SCHIP1: variants seen among roughly 807,000 people sequenced by gnomAD.
SCHIP1 encodes the protein schwannomin interacting protein 1, also known as schwannomin-interacting protein 1.
SCHIP1 carries 8 observed loss-of-function variants against 29.7 expected under a neutral mutation model. That is an observed-to-expected ratio of 0.27 (90% CI 0.16 to 0.49). The LOEUF (loss-of-function observed/expected upper bound fraction) is 0.49. SCHIP1 is among the 20% of genes least tolerant of loss of function. SCHIP1 has a pLI of 0.99. For synonymous variants in SCHIP1, 76 were observed against 94.9 expected (o/e 0.80, Z 1.16); for missense variants, 193 against 294.6 (o/e 0.66, Z 2.52).
At chr3:159,607,587 C>A in the SCHIP1 span, among the ~76,000 whole-genome samples, 2 of 152,210 alleles carry the variant, frequency 1.3e-5, no homozygotes, top group Admixed American at 1.3e-4. Context: ...AGAATGGCTG[C>A]AAAACCTAGC....
At chr3:159,443,934 A>C in the SCHIP1 span, among the ~76,000 whole-genome samples, 1 of 152,126 alleles carries the variant, frequency 6.6e-6, no homozygotes, top group African/African-American at 2.4e-5. Flanking sequence ...ACCAGTTTCC[A>C]TAGTGTAATT....
chr3:159,694,605 A>AAGG, the SCHIP1 span, among the ~76,000 whole-genome samples: 11 of 137,220 alleles, frequency 8.0e-5, no homozygotes, highest in African/African-American at 2.6e-4. Context: ...AGAAAGAAAG[A>AAGG]AAGGAATTAT....
chr3:159,501,866 T>C, the SCHIP1 span, among the ~76,000 whole-genome samples: 1 of 152,202 alleles, frequency 6.6e-6, no homozygotes, highest in Non-Finnish European at 1.5e-5. Context: ...TGCATTTGGA[T>C]ACATGAGTTC....
the SCHIP1 span, among the ~76,000 whole-genome samples, chr3:159,482,321 A>G: frequency 6.6e-6 from 1 of 152,128 alleles, no homozygotes; most frequent in Non-Finnish European, 1.5e-5. Context: ...CCCTTCAAGA[A>G]GGACGTATGA....
the SCHIP1 span, among the ~76,000 whole-genome samples, chr3:159,302,462 C>A: frequency 6.6e-6 from 1 of 151,960 alleles, no homozygotes; most frequent in Non-Finnish European, 1.5e-5. Context: ...ATAATTAAAC[C>A]ATTACAGAAA....
At chr3:159,598,496 A>G in the SCHIP1 span, among the ~76,000 whole-genome samples, 1 of 152,170 alleles carries the variant, frequency 6.6e-6, no homozygotes, top group Non-Finnish European at 1.5e-5. Context: ...ACAGTCATTA[A>G]ATCTTAAAGC....
At chr3:159,430,724 G>T in the SCHIP1 span, among the ~76,000 whole-genome samples, 5 of 152,224 alleles carry the variant, frequency 3.3e-5, no homozygotes, top group East Asian at 9.7e-4. Flanking sequence ...TGCCCTCAGG[G>T]ACTCTACAGA....
chr3:159,874,783 C>T (rs987918314), intron 2 of SCHIP1, among the ~76,000 whole-genome samples: 121 of 152,216 alleles, frequency 7.9e-4, no homozygotes, highest in Non-Finnish European at 7.1e-4. Context: ...TGTCTAGTTC[C>T]AACTCAGTGA....
At chr3:159,446,000 C>G in the SCHIP1 span, among the ~76,000 whole-genome samples, 6 of 150,400 alleles carry the variant, frequency 4.0e-5, no homozygotes, top group Non-Finnish European at 7.4e-5. Flanking sequence ...ACATTGTGCA[C>G]ATGTACCCTA....
the SCHIP1 span, among the ~76,000 whole-genome samples, chr3:159,740,761 C>CAAAAAAAAACAA: frequency 7.0e-5 from 1 of 14,324 alleles, no homozygotes; most frequent in East Asian, 1.5e-3. Context: ...ATTGTATATT[C>CAAAAAAAAACAA]AAAAAAAAAG....
At chr3:159,359,632 G>A in the SCHIP1 span, among the ~76,000 whole-genome samples, 3 of 152,108 alleles carry the variant, frequency 2.0e-5, no homozygotes, top group Non-Finnish European at 4.4e-5. Context: ...ATAATACATT[G>A]TATGAACTGG....
the SCHIP1 span, among the ~76,000 whole-genome samples, chr3:159,349,580 G>A: frequency 6.6e-6 from 1 of 152,136 alleles, no homozygotes; most frequent in African/African-American, 2.4e-5. Context: ...AAAATATAAG[G>A]TGTCCCTACT....
At chr3:159,496,740 C>T in the SCHIP1 span, among the ~76,000 whole-genome samples, 2 of 152,158 alleles carry the variant, frequency 1.3e-5, no homozygotes, top group African/African-American at 4.8e-5. Flanking sequence ...TTTGACCCAG[C>T]CATCCCATTA....
At chr3:159,540,735 T>A in the SCHIP1 span, among the ~76,000 whole-genome samples, 18 of 152,096 alleles carry the variant, frequency 1.2e-4, no homozygotes, top group African/African-American at 3.6e-4. Context: ...TGAATGGAAA[T>A]AAAGGGGAAG....
chr3:159,793,746 TG>T, the SCHIP1 span, among the ~76,000 whole-genome samples: 2 of 152,176 alleles, frequency 1.3e-5, no homozygotes, highest in Non-Finnish European at 2.9e-5. Context: ...TTACTAGAGA[TG>T]GGGTTTCACC....
the SCHIP1 span, among the ~76,000 whole-genome samples, chr3:159,831,463 T>G: frequency 7.9e-5 from 12 of 152,166 alleles, no homozygotes; most frequent in Non-Finnish European, 1.3e-4. Flanking sequence ...CCCAATATAT[T>G]ATGGTTTTTT....
At chr3:159,765,521 GTTGTGGCT>G in the SCHIP1 span, 1 of 201,004 alleles carries the variant, frequency 5.0e-6, no homozygotes, top group Non-Finnish European at 9.9e-6. Flanking sequence ...AATCGTAATA[GTTGTGGCT>G]TTGTCAATCG....
the SCHIP1 span, among the ~76,000 whole-genome samples, chr3:159,724,718 T>C: frequency 6.6e-6 from 1 of 152,026 alleles, no homozygotes; most frequent in African/African-American, 2.4e-5. Context: ...AATCCCTGGG[T>C]AAAAAAAATT....
the SCHIP1 span, among the ~76,000 whole-genome samples, chr3:159,507,345 T>C: frequency 6.6e-6 from 1 of 152,232 alleles, no homozygotes; most frequent in South Asian, 2.1e-4. Flanking sequence ...TGAAGTTGCT[T>C]ATCTCTTAAG....
Sources: gnomAD v4.1 joint callset for allele counts (sites outside exome capture counted in the v4.1 genomes callset) on GRCh38, gnomAD v4.1.1 for gene constraint, MANE v1.5 for transcripts, NCBI Gene and HGNC (gene_info 2026-07-23, HGNC 2026-07-21) for gene names.